SLC8A3: variants seen among roughly 807,000 people sequenced by gnomAD.
SLC8A3 encodes the protein solute carrier family 8 member A3.
Under a neutral mutation model 65.4 loss-of-function variants are expected in SLC8A3, and 37 were observed. That is an observed-to-expected ratio of 0.57 (90% CI 0.44 to 0.74). The LOEUF is 0.74. Ranked by LOEUF, SLC8A3 falls within the 30% of genes least tolerant of loss-of-function variation. SLC8A3 has a pLI of 0.00. For missense variants in SLC8A3, 1,112 were observed against 1,172.1 expected (o/e 0.95, Z 0.75); for synonymous variants, 461 against 444.5 (o/e 1.04, Z -0.47).
At position 70,147,052 on chromosome 14, in the gene SLC8A3, T is replaced by C. The variant is rs770433137; in HGVS notation, c.1784+19587A>G. Among the ~76,000 whole-genome samples the C allele has an allele frequency of 3.9e-5, 6 of 152,286 alleles. No homozygotes were observed. The South Asian group carries it at 8.3e-4, about 21-fold the overall frequency. On this transcript the variant is annotated intron_variant, in intron 2 of 6. Transcript: ENST00000356921. ...CCAGGAGCAACGCTTTAGGATTCAC[T>C]CATTCGGAGTTTGTGCTAACTTTAT...
At chr14:70,048,424 G>T (rs984383454) in intron 6 of SLC8A3, 1 of 578,242 alleles carries the variant, frequency 1.7e-6, no homozygotes, top group African/African-American at 1.9e-5. Flanking sequence ...CACTTACTTG[G>T]GCATGTAGCT....
chr14:70,056,492 C>T (rs1478114783), intron 3 of SLC8A3, among the ~76,000 whole-genome samples: 1 of 152,166 alleles, frequency 6.6e-6, no homozygotes, highest in African/African-American at 2.4e-5. Flanking sequence ...GAATGTTTTC[C>T]TTGAATGGTT....
At chr14:70,189,297 G>T (rs1274569307), upstream of SLC8A3, among the ~76,000 whole-genome samples, 1 of 152,182 alleles carries the variant, frequency 6.6e-6, no homozygotes, top group Non-Finnish European at 1.5e-5. Context: ...CAAAACGGCG[G>T]CGCGTCCTGA....
intron 2 of SLC8A3, among the ~76,000 whole-genome samples, chr14:70,092,798 T>A (rs1280875770): frequency 6.6e-6 from 1 of 152,230 alleles, no homozygotes; most frequent in Non-Finnish European, 1.5e-5. Flanking sequence ...TTCCTGGTTT[T>A]CATCATCCCT....
intron 1 of SLC8A3, among the ~76,000 whole-genome samples, chr14:70,187,650 C>T (rs1028895): frequency 0.34 from 48,916 of 143,414 alleles, 9,692 homozygotes; most frequent in East Asian, 0.58. Context: ...TCCGCGCGCG[C>T]GTGTGTGTTG....
intron 3 of SLC8A3, among the ~76,000 whole-genome samples, chr14:70,053,349 T>C (rs534563720): frequency 2.2e-4 from 33 of 152,186 alleles, no homozygotes; most frequent in Non-Finnish European, 2.1e-4. Flanking sequence ...ATTCTGAAGG[T>C]AAATCTGGGT....
chr14:70,110,838 G>A (rs140918858), intron 2 of SLC8A3, among the ~76,000 whole-genome samples: 9,229 of 151,984 alleles, frequency 0.061, 347 homozygotes, highest in African/African-American at 0.097. Context: ...CCGCCACCGC[G>A]CCTGGCTAAT....
intron 2 of SLC8A3, among the ~76,000 whole-genome samples, chr14:70,085,991 C>A (rs1206964111): frequency 1.3e-5 from 2 of 152,170 alleles, no homozygotes; most frequent in African/African-American, 4.8e-5. Flanking sequence ...TAGTGCATGT[C>A]CTTAACCACT....
rs36178413 is a variant in SLC8A3 at position 70,072,595 on chromosome 14, G to GTCCA, written c.1785-11660_1785-11657dup. Among the ~76,000 whole-genome samples, 1,359 of 149,796 alleles carry GTCCA rather than the reference G, an allele frequency of 9.1e-3. 19 individuals carry two copies. The highest frequency in any genetic ancestry group is 0.067 in the East Asian group (338 of 5,044). On this transcript the variant is annotated intron_variant, in intron 2 of 6. Coordinates refer to ENST00000356921, the MANE Select transcript of SLC8A3 (RefSeq NM_182932.3). ...AACTCTCTGTAATGTCTATCTATCC[G>GTCCA]TCCATCCATCCATCCATCCATCCAT...
chr14:70,051,949 A>C, intron 4 of SLC8A3, 41 bp downstream of exon 4: 1 of 1,572,900 alleles, frequency 6.4e-7, no homozygotes, highest in Admixed American at 1.7e-5. Context: ...CTCCCACTTT[A>C]ATTTATTTAT....
intron 1 of SLC8A3, 59 bp from the exon 2 acceptor site, chr14:70,168,543 G>A (rs775870359): frequency 1.3e-4 from 93 of 703,724 alleles, no homozygotes; most frequent in Non-Finnish European, 2.0e-4. Flanking sequence ...GCAAACGGCA[G>A]GTTCCCACCA....
intron 2 of SLC8A3, among the ~76,000 whole-genome samples, chr14:70,118,067 A>T (rs999021525): frequency 5.9e-5 from 9 of 152,136 alleles, no homozygotes; most frequent in African/African-American, 2.2e-4. Flanking sequence ...TTCTTCCTTC[A>T]TGACTGTCAT....
chr14:70,142,596 AT>A lies in SLC8A3; in HGVS notation c.1784+24042del, dbSNP rs531456138. The stretch of plus-strand genomic sequence containing the variant: ...TCTCAAAGGCAAACACAGAAAGGTC[AT>A]TGATTTTCTCTTGGGGATCACACTT... On this transcript the variant is annotated intron_variant, in intron 2 of 6. Transcript: ENST00000356921. Among the ~76,000 whole-genome samples, 17 of 152,338 alleles carry A rather than the reference AT, an allele frequency of 1.1e-4. 1 individual carries two copies. In the East Asian group the frequency reaches 3.3e-3, roughly 29 times the overall value.
chr14:70,055,214 C>T (rs780518194), intron 3 of SLC8A3, among the ~76,000 whole-genome samples: 7 of 152,058 alleles, frequency 4.6e-5, no homozygotes, highest in Non-Finnish European at 7.4e-5. Flanking sequence ...ATCTTGTTCA[C>T]GGCACATAGG....
chr14:70,090,471 C>G (rs1357041716), intron 2 of SLC8A3, among the ~76,000 whole-genome samples: 1 of 152,162 alleles, frequency 6.6e-6, no homozygotes, highest in African/African-American at 2.4e-5. Flanking sequence ...CCTAGAACCC[C>G]AAATCAGTCC....
intron 1 of SLC8A3, among the ~76,000 whole-genome samples, chr14:70,180,410 G>T (rs145771596): frequency 2.0e-5 from 3 of 152,128 alleles, no homozygotes; most frequent in Non-Finnish European, 2.9e-5. Flanking sequence ...GGATGCTCTG[G>T]GTCCTCCTAT....
At chr14:70,074,886 AC>A (rs35864999) in intron 2 of SLC8A3, among the ~76,000 whole-genome samples, 1 of 152,120 alleles carries the variant, frequency 6.6e-6, no homozygotes, top group Non-Finnish European at 1.5e-5. Flanking sequence ...CCTAACCCTA[AC>A]CCTAGGGAGG....
intron 2 of SLC8A3, among the ~76,000 whole-genome samples, chr14:70,158,281 T>G (rs892539666): frequency 4.6e-5 from 7 of 152,200 alleles, no homozygotes; most frequent in Non-Finnish European, 1.0e-4. Context: ...GCCCTTGTGA[T>G]GGTGGCAGAA....
At chr14:70,146,834 G>A (rs1895956476) in intron 2 of SLC8A3, among the ~76,000 whole-genome samples, 1 of 152,236 alleles carries the variant, frequency 6.6e-6, no homozygotes, top group African/African-American at 2.4e-5. Flanking sequence ...AGGCTGGGAT[G>A]TGCCTGAGGA....
Sources: gnomAD v4.1 joint callset for allele counts (sites outside exome capture counted in the v4.1 genomes callset) on GRCh38, gnomAD v4.1.1 for gene constraint, MANE v1.5 for transcripts, NCBI Gene and HGNC (gene_info 2026-07-23, HGNC 2026-07-21) for gene names.